The following SIPA1L2 variants were observed in gnomAD, a reference collection of about 807,000 sequenced individuals.
The protein encoded by SIPA1L2 is signal induced proliferation associated 1 like 2, also known as signal-induced proliferation-associated 1-like protein 2.
SIPA1L2 carries 56 observed loss-of-function variants against 163.9 expected under a neutral mutation model. That is an observed-to-expected ratio of 0.34 (90% CI 0.28 to 0.43). SIPA1L2 has a LOEUF of 0.43. Ranked by LOEUF, SIPA1L2 falls within the 20% of genes least tolerant of loss-of-function variation. The probability of loss-of-function intolerance (pLI) is 1.00; values close to 1 mark genes in which losing one functional copy is unlikely to be tolerated. For missense variants in SIPA1L2, 1,974 were observed against 2,193.5 expected (o/e 0.90, Z 2.00); for synonymous variants, 877 against 865.7 (o/e 1.01, Z -0.23).
At position 232,461,156 on chromosome 1, in the gene SIPA1L2, C is replaced by T. The variant is rs746420569; in HGVS notation, c.2826G>A (p.Val942=). Residue 942 remains valine, a synonymous_variant, in exon 10 of 23, where the codon GTG becomes GTA. Transcript: ENST00000674635. ...TTTCCACAGTCTCGCAGCCTCTCGTCACTATCTAAGGGGGAAGGAGACTGT... is the reference window on the plus strand; with the variant it reads ...TTTCCACAGTCTCGCAGCCTCTCGTTACTATCTAAGGGGGAAGGAGACTGT... The part of the protein sequence containing the change: ...IREIVQRLVI[V]TRGCETVEMT... 2.5e-6 allele frequency: 4 copies of T among 1,613,858 alleles called. No homozygotes were observed. In the Admixed American group the frequency reaches 6.7e-5, roughly 27 times the overall value.
At chr1:232,496,898 A>T (rs1666222692) in intron 3 of SIPA1L2, among the ~76,000 whole-genome samples, 1 of 152,206 alleles carries the variant, frequency 6.6e-6, no homozygotes. Flanking sequence ...ACATTTCAAA[A>T]AGTTACTTGC....
chr1:232,439,527 A>C (rs371695249), intron 14 of SIPA1L2, 31 bp from the exon 15 acceptor site: 19 of 1,586,560 alleles, frequency 1.2e-5, no homozygotes, highest in Middle Eastern at 3.4e-4. Context: ...GAGAGTTCTC[A>C]AGTGAATCTT....
chr1:232,431,894 G>A (rs929460667), intron 16 of SIPA1L2, among the ~76,000 whole-genome samples: 2 of 152,130 alleles, frequency 1.3e-5, no homozygotes, highest in South Asian at 4.1e-4. Context: ...TCACTTACAC[G>A]GCAACTTTAA....
At chr1:232,467,261 A>T (rs1056823373) in intron 8 of SIPA1L2, among the ~76,000 whole-genome samples, 1 of 152,200 alleles carries the variant, frequency 6.6e-6, no homozygotes, top group African/African-American at 2.4e-5. Context: ...CGAACTCATC[A>T]ATAGCACCTA....
chr1:232,517,761 C>G (rs1003582621), intron 2 of SIPA1L2, among the ~76,000 whole-genome samples: 1 of 152,170 alleles, frequency 6.6e-6, no homozygotes, highest in East Asian at 1.9e-4. Context: ...TAAAGATTAG[C>G]TGGGTGTGAT....
intron 5 of SIPA1L2, among the ~76,000 whole-genome samples, chr1:232,486,376 C>T (rs904159385): frequency 2.6e-5 from 4 of 152,208 alleles, no homozygotes; most frequent in Admixed American, 1.3e-4. Context: ...TCTTCCCAGC[C>T]ATCGGACACA....
Position 232,514,162 on chromosome 1 carries a change from A to C in SIPA1L2, c.1178T>G (p.Leu393Arg). 6.2e-7 allele frequency: 1 copy of C among 1,614,218 alleles called. No homozygotes were observed. Among genetic ancestry groups the C allele is most frequent in the South Asian group, 1.1e-5 (1 of 91,082 alleles). Residue 393 changes from leucine (L) to arginine (R), a missense_variant, in exon 3 of 23, where the codon CTG becomes CGG. Physicochemically the swap from Leu to Arg is moderately radical, Grantham distance 102. Transcript: ENST00000674635. ...SKEDLNSKEN[L>R]DADEGDGKSN... ...TTTCCCATCACCCTCATCGGCATCC[A>C]GGTTCTCTTTGGAGTTGAGGTCCTC...
chr1:232,463,598 G>T (rs762860029), intron 9 of SIPA1L2, among the ~76,000 whole-genome samples: 10 of 152,160 alleles, frequency 6.6e-5, no homozygotes, highest in Non-Finnish European at 1.5e-4. Context: ...AAATATCCAG[G>T]GAAAGTACAT....
Position 232,570,735 on chromosome 1 carries a change from A to G in SIPA1L2, c.-270+3439T>C, listed in dbSNP as rs548589420. ...GATCCAAATCAAAAGCAACTCAAAC[A>G]GTAAAAATATAAATAAAACTTAATT... On this transcript the variant is annotated intron_variant, in intron 2 of 22. Coordinates refer to ENST00000674635, the MANE Select transcript of SIPA1L2 (RefSeq NM_020808.5). Among the ~76,000 whole-genome samples the G allele has an allele frequency of 3.0e-4, 45 of 152,342 alleles. No individual in the cohort carries two copies. In the East Asian group the frequency reaches 4.0e-3, roughly 14 times the overall value.
At chr1:232,403,667 C>T (rs1365456066) in intron 20 of SIPA1L2, 96 bp from the exon 21 acceptor site, 1 of 1,447,820 alleles carries the variant, frequency 6.9e-7, no homozygotes, top group Non-Finnish European at 9.2e-7. Context: ...AAAATCTTTT[C>T]CCCCCTTCAA....
At chr1:232,568,705 T>C (rs945910489) in intron 2 of SIPA1L2, among the ~76,000 whole-genome samples, 3 of 152,150 alleles carry the variant, frequency 2.0e-5, no homozygotes, top group African/African-American at 7.2e-5. Context: ...TATGAAGCCA[T>C]ATGCAAATCT....
chr1:232,439,299 A>G lies in SIPA1L2; in HGVS notation c.3840T>C (p.Pro1280=). ...GGGACCTGCTGCCTGCCAGGTGCAC[A>G]GGGCCGAGGATGGTGGCAGGCATGC... ...APCMPATILG[P]VHLAGSRSLI... is the part of the protein sequence containing the mutation. The change falls in exon 15 of 23, where the codon CCT becomes CCC. Residue 1280 remains proline, a synonymous_variant. Transcript: ENST00000674635. 1.9e-6 allele frequency: 3 copies of G among 1,614,108 alleles called. No individual in the cohort carries two copies. The South Asian group carries it at 3.3e-5, about 18-fold the overall frequency.
rs777514585 is a variant in SIPA1L2 at position 232,514,080 on chromosome 1, G to A, written c.1260C>T (p.Gly420=). The stretch of plus-strand genomic sequence containing the variant: ...CTCGAGAGAGCGCAATCCGCCTGTC[G>A]CCTTCCCCTCCAGTCTCATTTCTAA... ...PYFRNETGGE[G]DRRIALSRAN... Residue 420 remains glycine, a synonymous_variant, in exon 3 of 23, where the codon GGC becomes GGT. Transcript: ENST00000674635. 2.4e-5 allele frequency: 38 copies of A among 1,614,048 alleles called. No individual in the cohort carries two copies. The East Asian group carries it at 3.8e-4, about 16-fold the overall frequency.
At chr1:232,574,714 T>C (rs1659985481) in intron 1 of SIPA1L2, among the ~76,000 whole-genome samples, 1 of 152,154 alleles carries the variant, frequency 6.6e-6, no homozygotes, top group African/African-American at 2.4e-5. Context: ...TCCAATAATT[T>C]TTAAGAACGT....
intron 2 of SIPA1L2, among the ~76,000 whole-genome samples, chr1:232,551,885 G>T (rs1658408098): frequency 6.6e-6 from 1 of 152,174 alleles, no homozygotes; most frequent in African/African-American, 2.4e-5. Flanking sequence ...TGTACCCCAG[G>T]CTGGAGTGCA....
chr1:232,567,074 C>T (rs1659447186), intron 2 of SIPA1L2, among the ~76,000 whole-genome samples: 1 of 152,186 alleles, frequency 6.6e-6, no homozygotes, highest in Non-Finnish European at 1.5e-5. Context: ...CTCCTTAAGT[C>T]ACTACCCTTG....
intron 10 of SIPA1L2, among the ~76,000 whole-genome samples, chr1:232,452,730 C>T (rs1158405662): frequency 3.9e-5 from 6 of 152,126 alleles, no homozygotes; most frequent in Admixed American, 6.5e-5. Flanking sequence ...CCAACAGGAA[C>T]CCTAGATACC....
At chr1:232,618,470 A>G (rs917780181) in intron 1 of SIPA1L2, among the ~76,000 whole-genome samples, 23 of 152,134 alleles carry the variant, frequency 1.5e-4, no homozygotes, top group Admixed American at 1.5e-3. Flanking sequence ...CCTGACCAAG[A>G]TGGTGAAACC....
chr1:232,577,505 T>A (rs1296940666), intron 1 of SIPA1L2, among the ~76,000 whole-genome samples: 1 of 152,188 alleles, frequency 6.6e-6, no homozygotes, highest in Non-Finnish European at 1.5e-5. Flanking sequence ...GTTATAGCTA[T>A]CACAGATAGC....
Sources: gnomAD v4.1 joint callset for allele counts (sites outside exome capture counted in the v4.1 genomes callset) on GRCh38, gnomAD v4.1.1 for gene constraint, MANE v1.5 for transcripts, NCBI Gene and HGNC (gene_info 2026-07-23, HGNC 2026-07-21) for gene names.